MYO7A: variants seen among roughly 807,000 people sequenced by gnomAD.
MYO7A encodes the protein unconventional myosin-VIIa.
A neutral mutation model predicts 263.8 loss-of-function variants in MYO7A; 210 were observed. That is an observed-to-expected ratio of 0.80 (90% CI 0.71 to 0.89). The LOEUF is 0.89. MYO7A is among the 40% of genes least tolerant of loss of function. The probability of loss-of-function intolerance (pLI) is 0.00; values close to 1 mark genes in which losing one functional copy is unlikely to be tolerated. For synonymous variants in MYO7A, 1,239 were observed against 1,197.3 expected, an observed-to-expected ratio of 1.03 and a Z score of -0.72; for missense variants, 2,820 against 2,968.3, an observed-to-expected ratio of 0.95 and a Z score of 1.16.
intron 30 of MYO7A, 157 bp downstream of exon 30, chr11:77,191,027 C>A (rs1172026026): frequency 7.2e-6 from 6 of 830,988 alleles, no homozygotes; most frequent in Non-Finnish European, 1.1e-5. Context: ...CTCCTCAGGA[C>A]TGCCGAGAAC....
intron 4 of MYO7A, 104 bp downstream of exon 4, chr11:77,148,054 C>A (rs1951710270): frequency 1.8e-6 from 2 of 1,084,844 alleles, no homozygotes; most frequent in African/African-American, 1.7e-5. Context: ...CCTGCCGGGG[C>A]CCTGCCTCCT....
At chr11:77,185,089 C>T in intron 27 of MYO7A, 1 of 382,184 alleles carries the variant, frequency 2.6e-6, no homozygotes, top group Non-Finnish European at 5.0e-6. Context: ...ATGTAGACAT[C>T]TTGATTAGAA....
intron 26 of MYO7A, among the ~76,000 whole-genome samples, chr11:77,184,225 T>TG (rs782712784): frequency 1.4e-4 from 21 of 151,896 alleles, no homozygotes; most frequent in African/African-American, 1.9e-4. Flanking sequence ...ACAGTTATGT[T>TG]GGCGGGGGCA....
rs374922963 is a variant in MYO7A, at chr11:77,138,364, T to C, written c.19-4345T>C. On this transcript the variant is annotated intron_variant, in intron 2 of 48. Transcript: ENST00000409709. The surrounding 1 kb of genome is among the most constrained non-coding windows in gnomAD (Gnocchi z 4.9). ...CGCGCGCATCCCGCAGCCCGGCAAG[T>C]GGGCGCTGGTGCGCAGCCTGAACCA... Among the ~76,000 whole-genome samples the C allele has an allele frequency of 6.6e-6, 1 of 151,620 alleles. No individual in the cohort carries two copies. Among genetic ancestry groups the C allele is most frequent in the Admixed American group, 6.6e-5 (1 of 15,240 alleles).
At chr11:77,182,686 G>GAA in intron 25 of MYO7A, 86 bp downstream of exon 25, 4 of 1,407,550 alleles carry the variant, frequency 2.8e-6, no homozygotes, top group Non-Finnish European at 9.8e-7. Flanking sequence ...CTCCTCTGCA[G>GAA]AAAAAGGATC....
intron 16 of MYO7A, among the ~76,000 whole-genome samples, chr11:77,174,509 G>A (rs1954443194): frequency 6.6e-6 from 1 of 152,176 alleles, no homozygotes; most frequent in South Asian, 2.1e-4. Context: ...TCCCCACTTG[G>A]GTGTCCCAAG....
intron 46 of MYO7A, 66 bp from the exon 47 acceptor site, chr11:77,212,886 T>C: frequency 7.8e-7 from 1 of 1,276,966 alleles, no homozygotes; most frequent in South Asian, 1.3e-5. Flanking sequence ...CCAGGCTTCA[T>C]TCCTGTCCCC....
chr11:77,207,826 A>AG (rs1427440392), intron 42 of MYO7A, among the ~76,000 whole-genome samples: 4 of 152,222 alleles, frequency 2.6e-5, no homozygotes, highest in African/African-American at 4.8e-5. Context: ...GTCACACAGC[A>AG]GGGACTGAGC....
At chr11:77,165,767 C>T (rs1262678772) in intron 14 of MYO7A, among the ~76,000 whole-genome samples, 1 of 152,146 alleles carries the variant, frequency 6.6e-6, no homozygotes, top group African/African-American at 2.4e-5. Context: ...CTCATGGTAG[C>T]TTTGGGGTGG....
chr11:77,181,693 AC>A, intron 23 of MYO7A, 104 bp downstream of exon 23: 1 of 1,131,300 alleles, frequency 8.8e-7, no homozygotes, highest in East Asian at 2.6e-5. Flanking sequence ...GTCCCTCTGA[AC>A]AGTGGGGAGC....
Position 77,147,969 on chromosome 11 carries a change from G to A in MYO7A, c.285+19G>A, listed in dbSNP as rs1271343095. The A allele has an allele frequency of 1.4e-5, 21 of 1,515,348 alleles. No homozygotes were observed. The highest frequency in any genetic ancestry group is 1.9e-5 in the Non-Finnish European group (21 of 1,127,918). 93.9% of individuals were successfully genotyped at this position (1,515,348 alleles called of 1,614,324 possible). On this transcript the variant is annotated intron_variant, in intron 4 of 48. Coordinates refer to ENST00000409709, the MANE Select transcript of MYO7A (RefSeq NM_000260.4). ...CATCTACGTGAGTGCCGCCCCGCCC[G>A]GTGCCCGTCCAGGCCCCCTCAGGCC...
chr11:77,212,292 C>G (rs1957943585), intron 46 of MYO7A: 1 of 416,792 alleles, frequency 2.4e-6, no homozygotes, highest in South Asian at 1.8e-5. Context: ...TCTGAGCTTT[C>G]CAGGCAGACC....
At chr11:77,135,116 G>C (rs1950873801) in intron 2 of MYO7A, among the ~76,000 whole-genome samples, 1 of 151,952 alleles carries the variant, frequency 6.6e-6, no homozygotes, top group Admixed American at 6.6e-5. Flanking sequence ...TAGTTCAGTG[G>C]CATTAAATAC....
intron 4 of MYO7A, among the ~76,000 whole-genome samples, chr11:77,155,262 TC>T (rs1952338564): frequency 6.6e-6 from 1 of 152,008 alleles, no homozygotes; most frequent in Non-Finnish European, 1.5e-5. Context: ...GTAGAGAACC[TC>T]CTTAAGGCTA....
intron 1 of MYO7A, among the ~76,000 whole-genome samples, chr11:77,129,616 G>A (rs1399203938): frequency 2.0e-5 from 3 of 152,088 alleles, no homozygotes; most frequent in African/African-American, 7.2e-5. Context: ...GGATCAACTC[G>A]CCAACTTTGG....
At chr11:77,131,147 T>G (rs1315439658) in intron 2 of MYO7A, among the ~76,000 whole-genome samples, 1 of 152,310 alleles carries the variant, frequency 6.6e-6, no homozygotes, top group Admixed American at 6.5e-5. Context: ...CCCTTCCTAC[T>G]GAGGGCCACA....
chr11:77,150,811 C>T (rs1555056765), intron 4 of MYO7A, among the ~76,000 whole-genome samples: 1 of 152,156 alleles, frequency 6.6e-6, no homozygotes, highest in East Asian at 1.9e-4. Context: ...AAAGAGGTTT[C>T]CTTGACTCGC....
intron 4 of MYO7A, 108 bp from the exon 5 acceptor site, chr11:77,155,799 C>CAGGA: frequency 1.6e-6 from 2 of 1,268,904 alleles, no homozygotes; most frequent in Non-Finnish European, 2.1e-6. Flanking sequence ...ACTCCAAAGC[C>CAGGA]AGGACTCTTC....
chr11:77,129,044 A>G (rs1950688630), intron 1 of MYO7A, among the ~76,000 whole-genome samples: 1 of 152,226 alleles, frequency 6.6e-6, no homozygotes, highest in African/African-American at 2.4e-5. Context: ...TCTAGTTCTC[A>G]TTTTTAGAAA....
Sources: gnomAD v4.1 joint callset for allele counts (sites outside exome capture counted in the v4.1 genomes callset) on GRCh38, gnomAD v4.1.1 for gene constraint, Gnocchi (gnomAD v3.1) non-coding constraint, MANE v1.5 for transcripts, NCBI Gene and HGNC (gene_info 2026-07-23, HGNC 2026-07-21) for gene names.